The following TACC2 variants were observed in gnomAD, a reference collection of about 807,000 sequenced individuals.
TACC2 encodes the protein transforming acidic coiled-coil containing protein 2.
Under a neutral mutation model 227.3 loss-of-function variants are expected in TACC2, and 137 were observed. That is an observed-to-expected ratio of 0.60 (90% CI 0.52 to 0.69). TACC2 has a LOEUF of 0.69. Ranked by LOEUF, TACC2 falls within the 30% of genes least tolerant of loss-of-function variation. TACC2 has a pLI of 0.00. For missense variants in TACC2, 3,470 were observed against 3,694.4 expected (o/e 0.94, Z 1.57); for synonymous variants, 1,523 against 1,487.5 (o/e 1.02, Z -0.55).
Position 122,084,345 on chromosome 10 carries a change from T to C in TACC2, c.1845T>C (p.Leu615=). 6.2e-7 allele frequency: 1 copy of C among 1,613,658 alleles called. No individual in the cohort carries two copies. Among genetic ancestry groups the C allele is most frequent in the Non-Finnish European group, 8.5e-7 (1 of 1,180,008 alleles). The change falls in exon 4 of 23, where the codon CTT becomes CTC. Residue 615 remains leucine, a synonymous_variant. Coordinates refer to ENST00000369005, the MANE Select transcript of TACC2 (RefSeq NM_206862.4). ...ATCCAGAAGTAGGCAAAGATGAGCT[T>C]TCAAAGCCAAGCAGTGATGCAGAGA... is the stretch of plus-strand genomic sequence containing the variant. The part of the protein sequence containing the change: ...KRDPEVGKDE[L]SKPSSDAESR...
chr10:122,156,739 C>T (rs375320869), intron 7 of TACC2, among the ~76,000 whole-genome samples: 124 of 152,336 alleles, frequency 8.1e-4, no homozygotes, highest in South Asian at 1.4e-3. Flanking sequence ...ATGACATCCT[C>T]CTCCTTCTTC....
chr10:122,184,810 T>C (rs1016564306), intron 7 of TACC2, among the ~76,000 whole-genome samples: 33 of 152,158 alleles, frequency 2.2e-4, no homozygotes, highest in Non-Finnish European at 2.5e-4. Flanking sequence ...GGGTTTTTTT[T>C]CCTACTTATC....
intron 7 of TACC2, among the ~76,000 whole-genome samples, chr10:122,168,006 C>A (rs2093277140): frequency 6.6e-6 from 1 of 151,850 alleles, no homozygotes; most frequent in Non-Finnish European, 1.5e-5. Flanking sequence ...CCTACCTCAT[C>A]CTCTCAAGTA....
At chr10:122,159,682 T>G (rs1275286027) in intron 7 of TACC2, among the ~76,000 whole-genome samples, 2 of 152,120 alleles carry the variant, frequency 1.3e-5, no homozygotes, top group Non-Finnish European at 2.9e-5. Context: ...CTCCCTCTGC[T>G]CGCCACCATG....
At chr10:122,122,896 T>C (rs2086121506) in intron 5 of TACC2, among the ~76,000 whole-genome samples, 1 of 152,246 alleles carries the variant, frequency 6.6e-6, no homozygotes, top group Non-Finnish European at 1.5e-5. Flanking sequence ...TTCATATATA[T>C]TCAAATTTTA....
intron 1 of TACC2, among the ~76,000 whole-genome samples, chr10:122,011,398 C>T (rs1174252539): frequency 6.6e-6 from 1 of 152,120 alleles, no homozygotes; most frequent in East Asian, 1.9e-4. Context: ...GGCGGGCTCT[C>T]GGCTCACTGC....
intron 1 of TACC2, among the ~76,000 whole-genome samples, chr10:122,015,727 C>A (rs74824984): frequency 5.3e-5 from 8 of 151,056 alleles, no homozygotes; most frequent in Non-Finnish European, 1.2e-4. Flanking sequence ...TGGTGCATGC[C>A]TGTAATCCCA....
At chr10:122,072,587 C>G (rs1344220566) in intron 3 of TACC2, among the ~76,000 whole-genome samples, 3 of 152,132 alleles carry the variant, frequency 2.0e-5, no homozygotes, top group Non-Finnish European at 4.4e-5. Flanking sequence ...GTTTTTCTCT[C>G]CTATTAACAT....
At chr10:122,159,078 A>G (rs1172996611) in intron 7 of TACC2, among the ~76,000 whole-genome samples, 1 of 152,212 alleles carries the variant, frequency 6.6e-6, no homozygotes, top group Non-Finnish European at 1.5e-5. Flanking sequence ...GGGGGCTGGC[A>G]GGGAGCAGAC....
chr10:122,067,785 C>T (rs1025648188), intron 3 of TACC2, among the ~76,000 whole-genome samples: 6 of 152,148 alleles, frequency 3.9e-5, no homozygotes, highest in African/African-American at 1.2e-4. Flanking sequence ...GGATTATAGG[C>T]GTGAGCCACT....
chr10:122,135,862 C>T (rs2089516845), intron 6 of TACC2, among the ~76,000 whole-genome samples: 1 of 152,194 alleles, frequency 6.6e-6, no homozygotes, highest in Admixed American at 6.5e-5. Context: ...CCTTACGTGG[C>T]ATAGTTAGTT....
chr10:122,093,037 C>T (rs1489609366), intron 5 of TACC2, among the ~76,000 whole-genome samples: 1 of 151,388 alleles, frequency 6.6e-6, no homozygotes, highest in Non-Finnish European at 1.5e-5. Flanking sequence ...TCTTGGATAT[C>T]ACCAAGCTTG....
intron 7 of TACC2, among the ~76,000 whole-genome samples, chr10:122,175,243 C>G (rs1592937454): frequency 6.6e-6 from 1 of 152,334 alleles, no homozygotes. Flanking sequence ...GCATGAGTCA[C>G]TGCACCTGGC....
chr10:121,989,875 A>G (rs1952960161), intron 1 of TACC2, among the ~76,000 whole-genome samples: 1 of 151,774 alleles, frequency 6.6e-6, no homozygotes, highest in Admixed American at 6.6e-5. Context: ...CTCCTGCCTC[A>G]GCTTCCCAAG....
At chr10:122,252,419 C>CT (rs2096269499) in intron 22 of TACC2, among the ~76,000 whole-genome samples, 2 of 151,828 alleles carry the variant, frequency 1.3e-5, no homozygotes, top group Non-Finnish European at 2.9e-5. Flanking sequence ...TCACGGTGGG[C>CT]ACTCCAATAA....
At position 122,086,135 on chromosome 10, in the gene TACC2, C is replaced by T. The variant is rs768092599; in HGVS notation, c.3635C>T (p.Thr1212Ile). ...GIPRSTMDFSTHQAVPDPKEL... is the reference protein window; with the variant it reads ...GIPRSTMDFSIHQAVPDPKEL... ...CCCAGGAGCACCATGGATTTTTCTA[C>T]ACACCAGGCTGTCCCAGACCCAAAG... The change falls in exon 4 of 23, where the codon ACA becomes ATA. Residue 1212 changes from threonine (T) to isoleucine (I), a missense_variant. Physicochemically the swap from Thr to Ile is moderately conservative, Grantham distance 89. This residue lies in a region of TACC2 where 1,924 missense variants were observed against 1,978.3 expected (regional missense o/e 0.97). Transcript: ENST00000369005. The T allele has an allele frequency of 5.0e-6, 8 of 1,613,558 alleles. No homozygotes were observed. Among genetic ancestry groups the T allele is most frequent in the South Asian group, 2.2e-5 (2 of 91,090 alleles).
chr10:122,158,258 G>A (rs1036938555), intron 7 of TACC2, among the ~76,000 whole-genome samples: 3 of 151,902 alleles, frequency 2.0e-5, no homozygotes, highest in East Asian at 1.9e-4. Flanking sequence ...GCGTGGTGGC[G>A]TGCACCTGTG....
intron 3 of TACC2, among the ~76,000 whole-genome samples, chr10:122,062,534 G>A (rs1311175966): frequency 6.9e-5 from 10 of 144,578 alleles, no homozygotes; most frequent in African/African-American, 2.6e-5. Context: ...GGCTGGTCTC[G>A]AACTCCCGAC....
chr10:122,097,943 G>A (rs987837347), intron 5 of TACC2, among the ~76,000 whole-genome samples: 3 of 152,122 alleles, frequency 2.0e-5, no homozygotes, highest in East Asian at 1.9e-4. Context: ...AGGAGAAGCC[G>A]AGGGCTCTCT....
Sources: allele counts gnomAD v4.1 joint callset (sites outside exome capture counted in the v4.1 genomes callset), GRCh38; gene constraint gnomAD v4.1.1; regional missense constraint gnomAD v4.1.1; transcripts MANE v1.5; gene names NCBI Gene and HGNC (gene_info 2026-07-23, HGNC 2026-07-21).